Variants in PPHLN1 observed in about 807,000 individuals in gnomAD.
PPHLN1 encodes the protein periphilin 1.
In PPHLN1, 29 loss-of-function variants were observed where a neutral mutation model predicts 51.3. The observed-to-expected ratio is 0.57, with a 90% CI of 0.42 to 0.77. The LOEUF is 0.77. PPHLN1 is among the 30% of genes least tolerant of loss of function. PPHLN1 has a pLI of 0.00. For synonymous variants in PPHLN1, 147 were observed against 147.8 expected (o/e 0.99, Z 0.04); for missense variants, 436 against 438.4 (o/e 0.99, Z 0.05).
chr12:42,402,311 T>C (rs57166587), intron 9 of PPHLN1, among the ~76,000 whole-genome samples: 2,216 of 152,364 alleles, frequency 0.015, 53 homozygotes, highest in African/African-American at 0.05. Flanking sequence ...AGCTTTGTTA[T>C]GTGAAACTTT....
intron 5 of PPHLN1, among the ~76,000 whole-genome samples, chr12:42,383,444 AC>A (rs1224011893): frequency 6.6e-6 from 1 of 152,262 alleles, no homozygotes; most frequent in East Asian, 1.9e-4. Flanking sequence ...TGAAATAAAC[AC>A]TTAATAAAAT....
chr12:42,357,805 A>G (rs2074210860), intron 4 of PPHLN1, among the ~76,000 whole-genome samples: 1 of 152,186 alleles, frequency 6.6e-6, no homozygotes, highest in South Asian at 2.1e-4. Context: ...GTAGTGGTGA[A>G]GTCTGGGTTT....
chr12:42,351,598 A>ATT (rs34117359), intron 2 of PPHLN1: 3 of 196,054 alleles, frequency 1.5e-5, no homozygotes, highest in Middle Eastern at 1.9e-3. Flanking sequence ...TCTTAAGTTT[A>ATT]TTTTTTACTA....
intron 9 of PPHLN1, among the ~76,000 whole-genome samples, chr12:42,409,657 T>C (rs1014581601): frequency 2.0e-5 from 3 of 150,768 alleles, no homozygotes; most frequent in Admixed American, 6.6e-5. Context: ...TTTCCTCCCA[T>C]TGAAAACTTT....
chr12:42,431,959 C>G (rs1237347945), intron 9 of PPHLN1: 1 of 1,486,700 alleles, frequency 6.7e-7, no homozygotes, highest in Non-Finnish European at 9.4e-7. Context: ...ATGAGATTTG[C>G]TGGCATCAGT....
chr12:42,366,667 G>A (rs2075305707), intron 4 of PPHLN1, among the ~76,000 whole-genome samples: 1 of 151,996 alleles, frequency 6.6e-6, no homozygotes, highest in African/African-American at 2.4e-5. Context: ...GGAATCACAG[G>A]CCTGAGCCAC....
At chr12:42,378,848 C>T (rs936590513) in intron 5 of PPHLN1, among the ~76,000 whole-genome samples, 2 of 152,080 alleles carry the variant, frequency 1.3e-5, no homozygotes, top group African/African-American at 2.4e-5. Context: ...CTGTACTTTA[C>T]TTGCAAGAAT....
intron 4 of PPHLN1, among the ~76,000 whole-genome samples, chr12:42,371,422 C>T (rs965812832): frequency 2.0e-5 from 3 of 152,144 alleles, no homozygotes; most frequent in African/African-American, 7.2e-5. Flanking sequence ...CCGGCCAACT[C>T]CTAGGTCTTA....
At chr12:42,406,503 G>A (rs911442327) in intron 9 of PPHLN1, among the ~76,000 whole-genome samples, 1 of 152,140 alleles carries the variant, frequency 6.6e-6, no homozygotes, top group African/African-American at 2.4e-5. Flanking sequence ...TCTCCTTATG[G>A]TTTTAATTTG....
At chr12:42,425,454 T>C (rs920678800) in intron 9 of PPHLN1, among the ~76,000 whole-genome samples, 1 of 150,914 alleles carries the variant, frequency 6.6e-6, no homozygotes, top group African/African-American at 2.4e-5. Flanking sequence ...TGGTGCTATC[T>C]CAGCCCACTG....
intron 6 of PPHLN1, among the ~76,000 whole-genome samples, chr12:42,385,594 A>G (rs1024837590): frequency 6.6e-6 from 1 of 152,168 alleles, no homozygotes; most frequent in Admixed American, 6.6e-5. Context: ...CTCTGTGTCT[A>G]GCTGATAAGT....
chr12:42,436,587 A>G (rs557609838), intron 9 of PPHLN1, among the ~76,000 whole-genome samples: 1 of 152,224 alleles, frequency 6.6e-6, no homozygotes, highest in South Asian at 2.1e-4. Flanking sequence ...TCATACATCT[A>G]CTGCTTCTTA....
intron 4 of PPHLN1, among the ~76,000 whole-genome samples, chr12:42,356,172 C>A (rs2074029440): frequency 6.6e-6 from 1 of 152,192 alleles, no homozygotes; most frequent in Non-Finnish European, 1.5e-5. Context: ...TAACCCCAGT[C>A]TCATAGAGAG....
chr12:42,361,316 G>C (rs1442028884), intron 4 of PPHLN1: 1 of 152,152 alleles, frequency 6.6e-6, no homozygotes, highest in Non-Finnish European at 1.5e-5. Context: ...CCAGAACTAT[G>C]AGAAATATAA....
intron 8 of PPHLN1, among the ~76,000 whole-genome samples, chr12:42,398,220 G>T (rs1400932630): frequency 1.3e-5 from 2 of 151,920 alleles, no homozygotes; most frequent in Non-Finnish European, 2.9e-5. Context: ...TTAATTATTG[G>T]TCTAAAACTG....
At chr12:42,360,526 C>T (rs199907699) in intron 4 of PPHLN1, among the ~76,000 whole-genome samples, 3 of 128,714 alleles carry the variant, frequency 2.3e-5, no homozygotes, top group Admixed American at 8.5e-5. Flanking sequence ...GCTGAGGTCT[C>T]ACTCTGTCAC....
At chr12:42,402,472 C>T (rs115071274) in intron 9 of PPHLN1, among the ~76,000 whole-genome samples, 183 of 152,176 alleles carry the variant, frequency 1.2e-3, no homozygotes, top group African/African-American at 4.1e-3. Context: ...TTTTGAATTC[C>T]GTACTATCAC....
At position 42,414,510 on chromosome 12, in the gene PPHLN1, GTATTT is replaced by G. The variant is rs766091899; in HGVS notation, c.909+15533_909+15537del. On this transcript the variant is annotated intron_variant, in intron 9 of 9. Coordinates refer to ENST00000358314, the MANE Select transcript of PPHLN1 (RefSeq NM_201439.2). ...TCACTCTGGTTAAGGATATTCCTAG[GTATTT>G]TATTTTATTTTATTTTTTTGCAGCT... Among the ~76,000 whole-genome samples the G allele has an allele frequency of 8.5e-4, 129 of 151,626 alleles. No homozygotes were observed. In the Middle Eastern group the frequency reaches 0.01, roughly 12 times the overall value.
chr12:42,393,999 T>C (rs1302933119), intron 8 of PPHLN1, among the ~76,000 whole-genome samples: 1 of 152,122 alleles, frequency 6.6e-6, no homozygotes, highest in Admixed American at 6.5e-5. Context: ...GAAATCATGC[T>C]AAGCCACTAG....
Sources: allele counts gnomAD v4.1 joint callset (sites outside exome capture counted in the v4.1 genomes callset), GRCh38; gene constraint gnomAD v4.1.1; transcripts MANE v1.5; gene names NCBI Gene and HGNC (gene_info 2026-07-23, HGNC 2026-07-21).